FMN1: variants seen among roughly 807,000 people sequenced by gnomAD.
FMN1 encodes formin 1, also known as formin-1.
A neutral mutation model predicts 132.4 loss-of-function variants in FMN1; 110 were observed. The ratio of observed to expected loss-of-function variants is 0.83; its 90% confidence interval spans 0.71 to 0.97. The LOEUF is 0.97. FMN1 is among the 50% of genes least tolerant of loss of function. The pLI is 0.00. For synonymous variants in FMN1, 722 were observed against 651.7 expected (o/e 1.11, Z -1.64); for missense variants, 1,792 against 1,705.3 (o/e 1.05, Z -0.90).
rs191203562 is a variant in FMN1, at chr15:32,858,976, A to C, written c.3836-1869T>G. On this transcript the variant is annotated intron_variant, in intron 16 of 20. Transcript: ENST00000616417. ...TAGAGTAGTGTCCAAGGAGCGAGAG[A>C]GTAGATAGAGCTGGGATATATTTTG... Among the ~76,000 whole-genome samples the C allele has an allele frequency of 9.8e-4, 149 of 152,268 alleles. 1 individual carries two copies. Among genetic ancestry groups the C allele is most frequent in the African/African-American group, 3.5e-3 (144 of 41,556 alleles).
intron 9 of FMN1, among the ~76,000 whole-genome samples, chr15:32,932,845 T>C (rs1567418146): frequency 1.3e-5 from 2 of 152,034 alleles, no homozygotes; most frequent in Non-Finnish European, 2.9e-5. Context: ...TTGTAATGTC[T>C]TCTCTCTCAT....
chr15:32,952,348 G>A (rs2061672456), intron 9 of FMN1, among the ~76,000 whole-genome samples: 1 of 152,144 alleles, frequency 6.6e-6, no homozygotes, highest in Non-Finnish European at 1.5e-5. Flanking sequence ...TATATACAGA[G>A]TGATCTATTT....
intron 16 of FMN1, among the ~76,000 whole-genome samples, chr15:32,861,870 C>T (rs566256643): frequency 1.2e-4 from 19 of 152,310 alleles, no homozygotes; most frequent in Middle Eastern, 3.4e-3. Flanking sequence ...TTCCCCTAGG[C>T]CTCTGAGCTT....
intron 9 of FMN1, among the ~76,000 whole-genome samples, chr15:32,938,451 C>T (rs2061329348): frequency 6.6e-6 from 1 of 152,246 alleles, no homozygotes; most frequent in South Asian, 2.1e-4. Context: ...ATTGCTTGAA[C>T]CCAGGAGGTG....
At position 33,091,935 on chromosome 15, in the gene FMN1, CAG is replaced by C. The variant is rs538615007; in HGVS notation, c.1868-2963_1868-2962del. The stretch of plus-strand genomic sequence containing the variant: ...GAGAATATTTTGTGAAAAACTGAAT[CAG>C]TCTTATCAGTTTAAACATGTCTTTC... On this transcript the variant is annotated intron_variant, in intron 4 of 20. Transcript: ENST00000616417. Among the ~76,000 whole-genome samples the C allele has an allele frequency of 1.9e-4, 29 of 152,274 alleles. No homozygotes were observed. The South Asian group carries it at 6.0e-3, about 32-fold the overall frequency.
At chr15:33,059,774 G>A (rs1490660327) in intron 6 of FMN1, among the ~76,000 whole-genome samples, 1 of 152,140 alleles carries the variant, frequency 6.6e-6, no homozygotes, top group Admixed American at 6.5e-5. Flanking sequence ...GATGTTTGCA[G>A]CTCTCAGTTT....
chr15:33,117,329 C>T (rs2039966932), intron 4 of FMN1, among the ~76,000 whole-genome samples: 1 of 152,128 alleles, frequency 6.6e-6, no homozygotes, highest in African/African-American at 2.4e-5. Flanking sequence ...AATTCCACAT[C>T]TCCTTAAGAG....
intron 2 of FMN1, among the ~76,000 whole-genome samples, chr15:33,191,831 G>C (rs1032908609): frequency 6.6e-6 from 1 of 152,334 alleles, no homozygotes; most frequent in African/African-American, 2.4e-5. Context: ...TATATTTGCT[G>C]CAGGAGAATA....
chr15:32,900,859 T>TA (rs899389283), intron 13 of FMN1, among the ~76,000 whole-genome samples: 3 of 151,962 alleles, frequency 2.0e-5, no homozygotes, highest in Non-Finnish European at 4.4e-5. Context: ...TATTTCAGGG[T>TA]AAAAAAAGTA....
At chr15:32,826,760 A>G (rs1345344722) in intron 17 of FMN1, among the ~76,000 whole-genome samples, 1 of 152,200 alleles carries the variant, frequency 6.6e-6, no homozygotes, top group East Asian at 1.9e-4. Flanking sequence ...ATCTCACACT[A>G]TCATTACAAT....
At chr15:32,848,980 T>TTTTG (rs1555472032) in intron 17 of FMN1, among the ~76,000 whole-genome samples, 4 of 112,036 alleles carry the variant, frequency 3.6e-5, no homozygotes, top group Admixed American at 1.6e-4. Context: ...CTCTTTTGTT[T>TTTTG]TTTTTTTTTT....
chr15:33,005,868 T>G (rs2034388064), intron 7 of FMN1, among the ~76,000 whole-genome samples: 1 of 152,166 alleles, frequency 6.6e-6, no homozygotes, highest in African/African-American at 2.4e-5. Flanking sequence ...AAGAGAGGTC[T>G]CCCTTTGTAA....
intron 6 of FMN1, among the ~76,000 whole-genome samples, chr15:33,019,780 G>A (rs996597597): frequency 1.3e-5 from 2 of 152,174 alleles, no homozygotes; most frequent in South Asian, 2.1e-4. Flanking sequence ...TGCGGGGCCC[G>A]CCAAGCCCAT....
chr15:32,984,487 C>T (rs1415290301), intron 7 of FMN1, among the ~76,000 whole-genome samples: 1 of 152,080 alleles, frequency 6.6e-6, no homozygotes, highest in Non-Finnish European at 1.5e-5. Flanking sequence ...TAATACCCAC[C>T]TTGCTTCTTG....
chr15:32,786,158 G>A (rs918259407), intron 19 of FMN1, among the ~76,000 whole-genome samples: 1 of 152,174 alleles, frequency 6.6e-6, no homozygotes, highest in Non-Finnish European at 1.5e-5. Flanking sequence ...AAAGACAGGA[G>A]TTCAGAATCT....
chr15:32,937,141 C>A (rs347915), intron 9 of FMN1, among the ~76,000 whole-genome samples: 66,328 of 151,944 alleles, frequency 0.44, 15,254 homozygotes, highest in African/African-American at 0.59. Flanking sequence ...GGCAATTGCA[C>A]TGAATGCATA....
At chr15:32,947,960 A>T (rs1407946397) in intron 9 of FMN1, among the ~76,000 whole-genome samples, 1 of 151,828 alleles carries the variant, frequency 6.6e-6, no homozygotes, top group African/African-American at 2.4e-5. Flanking sequence ...GCCTTATTAC[A>T]CTTGCTTAGA....
chr15:32,874,010 TTTAG>T, intron 16 of FMN1, among the ~76,000 whole-genome samples: 1 of 144,378 alleles, frequency 6.9e-6, no homozygotes, highest in African/African-American at 2.7e-5. Context: ...ACAATTTTAT[TTTAG>T]TTGTTTTTTT....
At chr15:32,824,935 C>T (rs573468251) in intron 17 of FMN1, among the ~76,000 whole-genome samples, 1 of 152,332 alleles carries the variant, frequency 6.6e-6, no homozygotes, top group Admixed American at 6.5e-5. Flanking sequence ...GAATTGTCTA[C>T]CATAACACAA....
Sources: gnomAD v4.1 joint callset for allele counts (sites outside exome capture counted in the v4.1 genomes callset) on GRCh38, gnomAD v4.1.1 for gene constraint, MANE v1.5 for transcripts, NCBI Gene and HGNC (gene_info 2026-07-23, HGNC 2026-07-21) for gene names.